KLF12: variants seen among roughly 807,000 people sequenced by gnomAD.
KLF12 encodes the protein Krueppel-like factor 12.
KLF12 carries 9 observed loss-of-function variants against 37.8 expected under a neutral mutation model. The observed-to-expected ratio is 0.24, with a 90% CI of 0.14 to 0.42. The LOEUF (loss-of-function observed/expected upper bound fraction) is 0.42. Ranked by LOEUF, KLF12 falls within the 10% of genes least tolerant of loss-of-function variation. The pLI, the probability that KLF12 is intolerant of heterozygous loss-of-function variation, is 1.00. For synonymous variants in KLF12, 208 were observed against 202.1 expected (o/e 1.03, Z -0.25); for missense variants, 411 against 516.0 (o/e 0.80, Z 1.97).
At chr13:73,837,278 C>T (rs9573311) in intron 4 of KLF12, among the ~76,000 whole-genome samples, 40,026 of 152,048 alleles carry the variant, frequency 0.26, 5,491 homozygotes, top group East Asian at 0.51. Context: ...ATACAGACAG[C>T]TTCTGTCTCC....
chr13:73,941,805 T>A (rs1265087563), intron 3 of KLF12, among the ~76,000 whole-genome samples: 1 of 152,110 alleles, frequency 6.6e-6, no homozygotes, highest in East Asian at 1.9e-4. Context: ...GAGAATGAAA[T>A]TGTATCTGTC....
the KLF12 span, among the ~76,000 whole-genome samples, chr13:74,178,625 G>A: frequency 6.6e-6 from 1 of 152,158 alleles, no homozygotes; most frequent in Non-Finnish European, 1.5e-5. Context: ...ATTGAATGAG[G>A]ATGTCATGAA....
chr13:74,067,642 G>A (rs950132135), intron 1 of KLF12, among the ~76,000 whole-genome samples: 3 of 152,144 alleles, frequency 2.0e-5, no homozygotes, highest in African/African-American at 7.2e-5. Flanking sequence ...TGATATGATT[G>A]AGCACTCACT....
the KLF12 span, among the ~76,000 whole-genome samples, chr13:74,230,306 C>A: frequency 6.6e-6 from 1 of 152,178 alleles, no homozygotes; most frequent in Non-Finnish European, 1.5e-5. Context: ...GAGGCCTCCC[C>A]AGCCCTGCAG....
chr13:74,097,773 C>T (rs531824085), intron 1 of KLF12, among the ~76,000 whole-genome samples: 45 of 151,480 alleles, frequency 3.0e-4, no homozygotes, highest in Non-Finnish European at 4.7e-4. Flanking sequence ...ATGTCTGCAA[C>T]GGCATAGCAA....
At chr13:74,070,359 A>G (rs570017290) in intron 1 of KLF12, among the ~76,000 whole-genome samples, 1 of 152,334 alleles carries the variant, frequency 6.6e-6, no homozygotes, top group South Asian at 2.1e-4. Context: ...AGGTGTGTAC[A>G]CTCAGGCACC....
At chr13:74,041,702 ACACAC>A (rs1413560070) in intron 1 of KLF12, among the ~76,000 whole-genome samples, 1 of 149,150 alleles carries the variant, frequency 6.7e-6, no homozygotes, top group Non-Finnish European at 1.5e-5. Flanking sequence ...ACACACACAC[ACACAC>A]ACACACACAC....
intron 1 of KLF12, among the ~76,000 whole-genome samples, chr13:74,060,123 T>G (rs1873485993): frequency 6.6e-6 from 1 of 152,198 alleles, no homozygotes; most frequent in South Asian, 2.1e-4. Context: ...TCTATGCATC[T>G]ATTTTTGTAC....
intron 6 of KLF12, among the ~76,000 whole-genome samples, chr13:73,746,809 C>CTT (rs1566338130): frequency 0.014 from 1,623 of 119,114 alleles, 41 homozygotes; most frequent in African/African-American, 0.058. Context: ...CTCCCTCCCT[C>CTT]CTTTTTTTTT....
At chr13:73,853,663 T>C (rs537484821) in intron 3 of KLF12, among the ~76,000 whole-genome samples, 2 of 151,234 alleles carry the variant, frequency 1.3e-5, no homozygotes, top group East Asian at 3.9e-4. Flanking sequence ...CGCTTGAACC[T>C]GGGAGGTGAA....
At chr13:74,087,337 A>AT (rs879656662) in intron 1 of KLF12, among the ~76,000 whole-genome samples, 1,627 of 151,332 alleles carry the variant, frequency 0.011, 35 homozygotes, top group African/African-American at 0.032. Flanking sequence ...GTTTAAAAAA[A>AT]ATTTTTTTTT....
chr13:73,862,108 T>G (rs1290213451), intron 3 of KLF12, among the ~76,000 whole-genome samples: 1 of 151,644 alleles, frequency 6.6e-6, no homozygotes, highest in Admixed American at 6.6e-5. Flanking sequence ...GTTAAAAACC[T>G]TAACACATAA....
chr13:73,993,103 C>T (rs1190379963), intron 2 of KLF12, among the ~76,000 whole-genome samples: 3 of 152,048 alleles, frequency 2.0e-5, no homozygotes, highest in Admixed American at 6.5e-5. Flanking sequence ...CAACATGGCA[C>T]GCACCTGTAA....
the KLF12 span, among the ~76,000 whole-genome samples, chr13:74,249,397 G>C: frequency 8.6e-5 from 12 of 139,592 alleles, no homozygotes; most frequent in African/African-American, 3.4e-4. Context: ...CTCACTCAAT[G>C]CCATAAATGT....
rs1266524449 is a variant in KLF12, at chr13:73,692,668, T to C, written c.*2822A>G. On this transcript the variant is annotated 3_prime_UTR_variant, in exon 8 of 8. Coordinates refer to ENST00000377669, the MANE Select transcript of KLF12 (RefSeq NM_007249.5). ...GTCCCAAACCACTTTCTCCTTTCCA[T>C]GGGGAAATACTTTTAGAAAACTCAC... 1 of 152,646 alleles carries C rather than the reference T, an allele frequency of 6.6e-6. No homozygotes were observed. The highest frequency in any genetic ancestry group is 1.5e-5 in the Non-Finnish European group (1 of 68,042). The allele number at this position is 152,646 out of a possible 1,614,324, so 9.5% of individuals were successfully genotyped here.
chr13:74,065,970 T>C (rs564984077), intron 1 of KLF12, among the ~76,000 whole-genome samples: 10 of 152,044 alleles, frequency 6.6e-5, no homozygotes, highest in Non-Finnish European at 1.5e-4. Context: ...GTAATTCACA[T>C]GTACATAGAA....
At chr13:73,826,264 C>T (rs1473400528) in intron 4 of KLF12, among the ~76,000 whole-genome samples, 2 of 152,148 alleles carry the variant, frequency 1.3e-5, no homozygotes, top group African/African-American at 4.8e-5. Context: ...TGAGCCACCA[C>T]GCCTGGCCCT....
At chr13:74,283,282 T>C in the KLF12 span, among the ~76,000 whole-genome samples, 2 of 152,218 alleles carry the variant, frequency 1.3e-5, no homozygotes, top group Admixed American at 6.5e-5. Context: ...AATATTCTAA[T>C]GCAAGTAAGA....
At chr13:73,777,447 G>A (rs892437203) in intron 5 of KLF12, among the ~76,000 whole-genome samples, 2 of 152,196 alleles carry the variant, frequency 1.3e-5, no homozygotes, top group Non-Finnish European at 2.9e-5. Context: ...GGTGGCTCAC[G>A]CCTGTAATCC....
Sources: allele counts gnomAD v4.1 joint callset (sites outside exome capture counted in the v4.1 genomes callset), GRCh38; gene constraint gnomAD v4.1.1; transcripts MANE v1.5; gene names NCBI Gene and HGNC (gene_info 2026-07-23, HGNC 2026-07-21).